AR: variants seen among roughly 807,000 people sequenced by gnomAD.
AR encodes dihydrotestosterone receptor.
In AR, 8 loss-of-function variants were observed where a neutral mutation model predicts 53.9. The ratio of observed to expected loss-of-function variants is 0.15; its 90% CI spans 0.09 to 0.27. The LOEUF is 0.27. AR is among the 10% of genes least tolerant of loss of function. AR has a pLI of 1.00. For missense variants in AR, 639 were observed against 742.5 expected, an observed-to-expected ratio of 0.86 and a Z score of 1.62; for synonymous variants, 359 against 316.4, an observed-to-expected ratio of 1.13 and a Z score of -1.43.
At chrX:67,671,713 A>G (rs2075866547) in intron 2 of AR, among the ~76,000 whole-genome samples, 1 of 112,107 alleles carries the variant, frequency 8.9e-6, no homozygotes, top group Non-Finnish European at 1.9e-5. Flanking sequence ...GTTTTCTTCT[A>G]CAGTTTTTAT....
chrX:67,707,534 T>A (rs1310672714), intron 3 of AR, among the ~76,000 whole-genome samples: 2 of 111,928 alleles, frequency 1.8e-5, no homozygotes, highest in African/African-American at 6.5e-5. Flanking sequence ...TATATGTGTC[T>A]CTGCACATGA....
intron 1 of AR, among the ~76,000 whole-genome samples, chrX:67,575,678 G>A (rs567964465): frequency 4.5e-5 from 5 of 111,521 alleles, no homozygotes; most frequent in East Asian, 2.9e-4. Flanking sequence ...AAGAATAACC[G>A]TCTCTCCTCT....
intron 2 of AR, among the ~76,000 whole-genome samples, chrX:67,669,837 A>G (rs910269338): frequency 3.7e-5 from 4 of 108,830 alleles, no homozygotes; most frequent in African/African-American, 1.0e-4. Flanking sequence ...CTTGAAATCT[A>G]TTTTGTCGGA....
At chrX:67,682,723 A>G (rs1048341558) in intron 2 of AR, among the ~76,000 whole-genome samples, 1 of 111,968 alleles carries the variant, frequency 8.9e-6, no homozygotes, top group Non-Finnish European at 1.9e-5. Flanking sequence ...TAGCATCCCA[A>G]TGATTTTACC....
At position 67,626,392 on chromosome X, in the gene AR, C is replaced by T. The variant is rs762406085; in HGVS notation, c.1617-16864C>T. 5.7e-5 allele frequency among the ~76,000 whole-genome samples: 6 copies of T among 104,713 alleles called. 1 individual carries two copies. In the Middle Eastern group the frequency reaches 0.015, roughly 257 times the overall value. 90.9% of individuals were successfully genotyped at this position (104,713 alleles called of 115,157 possible). A position where few individuals can be genotyped will look rare whatever the true frequency, so the allele number is the denominator to read the frequency against. On this transcript the variant is annotated intron_variant, in intron 1 of 7. Transcript: ENST00000374690. ...GCCAGGTTTATTTCACATAACATAA[C>T]GAACTCTAGTTCCAACCATGTTGGT...
intron 1 of AR, among the ~76,000 whole-genome samples, chrX:67,585,571 A>G (rs1310146229): frequency 8.9e-6 from 1 of 112,557 alleles, no homozygotes; most frequent in Non-Finnish European, 1.9e-5. Flanking sequence ...AGTCTGAGGT[A>G]ACTTAGCAAT....
At chrX:67,551,695 C>T (rs1277903424) in intron 1 of AR, among the ~76,000 whole-genome samples, 1 of 111,799 alleles carries the variant, frequency 8.9e-6, no homozygotes, top group Non-Finnish European at 1.9e-5. Context: ...TATTTGTTTA[C>T]CACGTAGGGG....
intron 1 of AR, among the ~76,000 whole-genome samples, chrX:67,591,220 T>C (rs1014004100): frequency 2.7e-5 from 3 of 111,311 alleles, no homozygotes; most frequent in African/African-American, 9.8e-5. Context: ...CCTGTCAACT[T>C]GTTACAGTTA....
At position 67,545,237 on chromosome X, in the gene AR, C is replaced by T. The variant is rs2147314125; in HGVS notation, c.91C>T (p.Arg31Cys). The T allele has an allele frequency of 1.7e-6, 2 of 1,210,254 alleles. No homozygotes were observed. The highest frequency in any genetic ancestry group is 2.2e-6 in the Non-Finnish European group (2 of 895,213). ...TTTCCAGAATCTGTTCCAGAGCGTGCGCGAAGTGATCCAGAACCCGGGCCC... is the reference window on the plus strand; with the variant it reads ...TTTCCAGAATCTGTTCCAGAGCGTGTGCGAAGTGATCCAGAACCCGGGCCC... ...GAFQNLFQSV[R>C]EVIQNPGPRH... The change falls in exon 1 of 8, where the codon CGC becomes TGC. Residue 31 changes from arginine to cysteine, a missense_variant. Around this residue, in one of 5 missense-constraint regions of AR, gnomAD observed 55 missense variants for 84.8 expected, o/e 0.65. Transcript: ENST00000374690.
intron 3 of AR, among the ~76,000 whole-genome samples, chrX:67,696,957 C>T (rs1166047506): frequency 8.9e-6 from 1 of 112,079 alleles, no homozygotes; most frequent in African/African-American, 3.2e-5. Context: ...AACCTTTGCT[C>T]TTCAGTCTGA....
intron 2 of AR, among the ~76,000 whole-genome samples, chrX:67,684,060 G>A (rs942910198): frequency 1.8e-5 from 2 of 111,421 alleles, no homozygotes; most frequent in African/African-American, 6.5e-5. Flanking sequence ...AAGAAGGCAC[G>A]CACTTTCTAA....
intron 3 of AR, among the ~76,000 whole-genome samples, chrX:67,700,833 T>C (rs2076039271): frequency 8.9e-6 from 1 of 112,293 alleles, no homozygotes. Context: ...CAGGGAGATC[T>C]GAGTCATTGG....
chrX:67,708,358 C>G (rs1489375017), intron 3 of AR, among the ~76,000 whole-genome samples: 1 of 111,177 alleles, frequency 9.0e-6, no homozygotes, highest in Non-Finnish European at 1.9e-5. Flanking sequence ...CTCTTTTTTT[C>G]TCTAAACTTC....
chrX:67,623,514 T>C lies in AR; in HGVS notation c.1617-19742T>C, dbSNP rs747352121. ...GCTAAAGCAGTACTTAAAGGGAAAT[T>C]TGTAACTGCGAAGGCCTATATCAAC... On this transcript the variant is annotated intron_variant, in intron 1 of 7. Transcript: ENST00000374690. Among the ~76,000 whole-genome samples the C allele has an allele frequency of 1.2e-4, 13 of 111,729 alleles. No homozygotes were observed. The South Asian group carries it at 4.8e-3, about 42-fold the overall frequency.
chrX:67,718,468 A>G (rs1438184989), intron 5 of AR, among the ~76,000 whole-genome samples: 1 of 111,587 alleles, frequency 9.0e-6, no homozygotes, highest in Non-Finnish European at 1.9e-5. Context: ...AAGACCTTTA[A>G]CTTTTCCGAC....
At chrX:67,684,324 T>A (rs1464364244) in intron 2 of AR, among the ~76,000 whole-genome samples, 1 of 112,251 alleles carries the variant, frequency 8.9e-6, no homozygotes, top group Non-Finnish European at 1.9e-5. Context: ...ATGTGTTCTA[T>A]TTATGCAAAT....
intron 3 of AR, among the ~76,000 whole-genome samples, chrX:67,687,131 G>T (rs1309897564): frequency 9.0e-6 from 1 of 111,649 alleles, no homozygotes; most frequent in African/African-American, 3.3e-5. Context: ...GAAAACCCAA[G>T]TGCCTAGAAT....
At chrX:67,638,546 G>A (rs767118918) in intron 1 of AR, among the ~76,000 whole-genome samples, 1 of 111,755 alleles carries the variant, frequency 8.9e-6, no homozygotes, top group African/African-American at 3.3e-5. Context: ...TTTCATTGTG[G>A]TTTTGATTTG....
chrX:67,660,317 G>A (rs1355887790), intron 2 of AR, among the ~76,000 whole-genome samples: 1 of 111,621 alleles, frequency 9.0e-6, no homozygotes, highest in Non-Finnish European at 1.9e-5. Context: ...GTATTGCGTA[G>A]GTTTTCTTCT....
Sources: gnomAD v4.1 joint callset for allele counts (sites outside exome capture counted in the v4.1 genomes callset) on GRCh38, gnomAD v4.1.1 for gene constraint, gnomAD v4.1.1 regional missense constraint, MANE v1.5 for transcripts, NCBI Gene and HGNC (gene_info 2026-07-23, HGNC 2026-07-21) for gene names.